BICC1: variants seen among roughly 807,000 people sequenced by gnomAD.
The protein encoded by BICC1 is BicC family RNA binding protein 1.
BICC1 carries 43 observed loss-of-function variants against 111.0 expected under a neutral mutation model. That is an observed-to-expected ratio of 0.39 (90% CI 0.30 to 0.50). The LOEUF (loss-of-function observed/expected upper bound fraction) is 0.50. BICC1 is among the 20% of genes least tolerant of loss of function. The pLI is 0.88. For missense variants in BICC1, 1,091 were observed against 1,203.2 expected, an observed-to-expected ratio of 0.91 and a Z score of 1.38; for synonymous variants, 467 against 434.4, an observed-to-expected ratio of 1.07 and a Z score of -0.93.
chr10:58,793,736 C>T, intron 9 of BICC1, 121 bp downstream of exon 9: 2 of 1,089,958 alleles, frequency 1.8e-6, no homozygotes, highest in Non-Finnish European at 2.6e-6. Context: ...GGTTGAATAT[C>T]CCCAATCCGG....
At chr10:58,692,257 G>A (rs989007168) in intron 2 of BICC1, among the ~76,000 whole-genome samples, 2 of 152,108 alleles carry the variant, frequency 1.3e-5, no homozygotes, top group Non-Finnish European at 2.9e-5. Flanking sequence ...ATTTGAACTA[G>A]GTTTTCATTG....
At chr10:58,663,948 T>G (rs944367136) in intron 2 of BICC1, among the ~76,000 whole-genome samples, 1 of 152,094 alleles carries the variant, frequency 6.6e-6, no homozygotes, top group South Asian at 2.1e-4. Flanking sequence ...TATATCACAT[T>G]AAAAACATTC....
In BICC1 at chr10:58,551,964, T is replaced by TGGG. The variant is rs3075363; in HGVS notation, c.190+38637_190+38639dup. On this transcript the variant is annotated intron_variant, in intron 1 of 20. Transcript: ENST00000373886. Reference sequence around the variant, plus strand: ...AAAATATATAAAGACAAGTTTTTTTTGGGGGGGGATAGACTCTCCCTTCTT... The same window carrying TGGG: ...AAAATATATAAAGACAAGTTTTTTTTGGGGGGGGGGGATAGACTCTCCCTTCTT... 4.2e-4 allele frequency among the ~76,000 whole-genome samples: 64 copies of TGGG among 151,506 alleles called. 1 individual carries two copies. The highest frequency in any genetic ancestry group is 6.8e-3 in the Middle Eastern group (2 of 294).
intron 3 of BICC1, among the ~76,000 whole-genome samples, chr10:58,761,963 C>T (rs941313132): frequency 6.6e-6 from 1 of 152,084 alleles, no homozygotes; most frequent in African/African-American, 2.4e-5. Flanking sequence ...GATGAAAGAA[C>T]GTCAGACTGT....
chr10:58,788,430 A>G lies in BICC1; in HGVS notation c.600+7A>G, dbSNP rs532399999. On this transcript the variant is annotated splice_region_variant and intron_variant, in intron 6 of 20. Coordinates refer to ENST00000373886, the MANE Select transcript of BICC1 (RefSeq NM_001080512.3). ...TGCCCGAGTTAGAATTCGGGTAACT[A>G]TTTATTACTTTAACATTGTAAATTG... The G allele has an allele frequency of 9.8e-5, 156 of 1,597,290 alleles. 1 individual carries two copies. In the South Asian group the frequency reaches 1.5e-3, roughly 16 times the overall value.
At chr10:58,638,292 A>G (rs1306073080) in intron 2 of BICC1, among the ~76,000 whole-genome samples, 1 of 151,984 alleles carries the variant, frequency 6.6e-6, no homozygotes, top group African/African-American at 2.4e-5. Flanking sequence ...TAACATCTGT[A>G]CTTTATGGTA....
At chr10:58,756,594 T>A (rs1842150792) in intron 3 of BICC1, among the ~76,000 whole-genome samples, 1 of 150,630 alleles carries the variant, frequency 6.6e-6, no homozygotes, top group South Asian at 2.1e-4. Flanking sequence ...CAAGGAGTTC[T>A]TGGGATCCAG....
chr10:58,544,219 T>G (rs1441796768), intron 1 of BICC1, among the ~76,000 whole-genome samples: 5 of 152,172 alleles, frequency 3.3e-5, no homozygotes, highest in Admixed American at 3.3e-4. Flanking sequence ...GATTCAGTTA[T>G]TTTCAAGCTT....
chr10:58,669,190 C>A lies in BICC1; in HGVS notation c.238-32884C>A, dbSNP rs367891441. ...TTTTTTTTAAATATACCCAGTTGAG[C>A]ATCTCAAACCTCAATCCAAAATGCT... On this transcript the variant is annotated intron_variant, in intron 2 of 20. Transcript: ENST00000373886. Among the ~76,000 whole-genome samples the A allele has an allele frequency of 2.7e-4, 41 of 151,972 alleles. No individual in the cohort carries two copies. In the East Asian group the frequency reaches 7.9e-3, roughly 29 times the overall value.
chr10:58,814,544 G>A (rs1387948066), intron 18 of BICC1, among the ~76,000 whole-genome samples: 1 of 151,782 alleles, frequency 6.6e-6, no homozygotes, highest in Admixed American at 6.6e-5. Flanking sequence ...ACTTTGGGAG[G>A]TGAAGGTGAG....
At chr10:58,633,014 G>T (rs1837845514) in intron 2 of BICC1, among the ~76,000 whole-genome samples, 1 of 152,196 alleles carries the variant, frequency 6.6e-6, no homozygotes, top group Non-Finnish European at 1.5e-5. Flanking sequence ...GTTTGGCTGT[G>T]TTCCCACCCA....
chr10:58,634,837 A>G (rs370489368), intron 2 of BICC1, among the ~76,000 whole-genome samples: 4 of 152,346 alleles, frequency 2.6e-5, no homozygotes, highest in East Asian at 3.9e-4. Context: ...ACGTATTCTT[A>G]CAATAATCTA....
chr10:58,742,418 T>A (rs2132609693), intron 3 of BICC1, among the ~76,000 whole-genome samples: 1 of 151,276 alleles, frequency 6.6e-6, no homozygotes, highest in Non-Finnish European at 1.5e-5. Flanking sequence ...CATGAGGTCA[T>A]GTGTATGCTT....
intron 2 of BICC1, among the ~76,000 whole-genome samples, chr10:58,667,450 G>T (rs1332510981): frequency 0.013 from 5 of 394 alleles, no homozygotes; most frequent in African/African-American, 0.045. Context: ...TAATTCTTAG[G>T]GAAGGTAGTT....
intron 1 of BICC1, among the ~76,000 whole-genome samples, chr10:58,530,450 T>C (rs1042284533): frequency 5.9e-5 from 9 of 151,796 alleles, no homozygotes; most frequent in African/African-American, 9.7e-5. Context: ...GGCCTGCCTT[T>C]CCTGCGATTC....
chr10:58,710,956 A>G (rs1840554487), intron 3 of BICC1, among the ~76,000 whole-genome samples: 1 of 151,962 alleles, frequency 6.6e-6, no homozygotes, highest in Admixed American at 6.6e-5. Flanking sequence ...TTAAGTGATC[A>G]TCTCACCTCA....
At chr10:58,581,632 A>G (rs1844282581) in intron 1 of BICC1, among the ~76,000 whole-genome samples, 2 of 152,212 alleles carry the variant, frequency 1.3e-5, no homozygotes, top group African/African-American at 2.4e-5. Context: ...AGTTAACAAC[A>G]TTAACGATCC....
At position 58,796,334 on chromosome 10, in the gene BICC1, T is replaced by G; in HGVS notation, c.1180-6T>G. 6.2e-7 allele frequency: 1 copy of G among 1,613,166 alleles called. No homozygotes were observed. Among genetic ancestry groups the G allele is most frequent in the South Asian group, 1.1e-5 (1 of 90,956 alleles). On this transcript the variant is annotated splice_polypyrimidine_tract_variant and splice_region_variant and intron_variant, in intron 9 of 20. Coordinates refer to ENST00000373886, the MANE Select transcript of BICC1 (RefSeq NM_001080512.3). ...ACCTTTTTTCCCCCATTATGTGTTTTCATAGTCTGTGATTGTGAAAAGTGT... is the reference window on the plus strand; with the variant it reads ...ACCTTTTTTCCCCCATTATGTGTTTGCATAGTCTGTGATTGTGAAAAGTGT...
chr10:58,557,572 C>T (rs1248517025), intron 1 of BICC1, among the ~76,000 whole-genome samples: 12 of 151,926 alleles, frequency 7.9e-5, no homozygotes, highest in Admixed American at 7.9e-4. Flanking sequence ...CACCATTTAA[C>T]TTTAGATAAT....
Sources: gnomAD v4.1 joint callset for allele counts (sites outside exome capture counted in the v4.1 genomes callset) on GRCh38, gnomAD v4.1.1 for gene constraint, MANE v1.5 for transcripts, NCBI Gene and HGNC (gene_info 2026-07-23, HGNC 2026-07-21) for gene names.